BRINP2: variants seen among roughly 807,000 people sequenced by gnomAD.
The protein encoded by BRINP2 is BMP/retinoic acid inducible neural specific 2.
BRINP2 carries 21 observed loss-of-function variants against 69.2 expected under a neutral mutation model. The observed-to-expected ratio is 0.30, with a 90% CI of 0.22 to 0.44. The LOEUF (loss-of-function observed/expected upper bound fraction) is 0.44, where lower values mean the gene tolerates loss of function less well. BRINP2 is among the 20% of genes least tolerant of loss of function. The pLI is 1.00. For missense variants in BRINP2, 877 were observed against 986.0 expected (o/e 0.89, Z 1.48); for synonymous variants, 380 against 394.1 (o/e 0.96, Z 0.42).
chr1:177,214,004 T>C (rs1016102668), intron 1 of BRINP2, among the ~76,000 whole-genome samples: 4 of 152,196 alleles, frequency 2.6e-5, no homozygotes, highest in African/African-American at 4.8e-5. Context: ...CAAAATTAAG[T>C]CAGGTTTCTT....
At chr1:177,178,128 C>G (rs988045870) in intron 1 of BRINP2, among the ~76,000 whole-genome samples, 1 of 152,200 alleles carries the variant, frequency 6.6e-6, no homozygotes, top group Non-Finnish European at 1.5e-5. Context: ...CCTCACCCCT[C>G]GTGCTACTGT....
At chr1:177,228,853 TCA>T (rs1649779737) in intron 1 of BRINP2, among the ~76,000 whole-genome samples, 4 of 152,022 alleles carry the variant, frequency 2.6e-5, no homozygotes, top group Admixed American at 2.0e-4. Flanking sequence ...CTGTGGTGAG[TCA>T]CAAAGCAGCC....
intron 1 of BRINP2, among the ~76,000 whole-genome samples, chr1:177,225,196 C>A (rs1405867471): frequency 6.6e-6 from 1 of 152,216 alleles, no homozygotes; most frequent in Non-Finnish European, 1.5e-5. Context: ...CATGTGACTT[C>A]ATCTATATAT....
At chr1:177,240,601 A>C (rs1650169015) in intron 2 of BRINP2, among the ~76,000 whole-genome samples, 2 of 152,238 alleles carry the variant, frequency 1.3e-5, no homozygotes. Context: ...CTCAGGAACA[A>C]GTGAGACTCC....
intron 2 of BRINP2, among the ~76,000 whole-genome samples, chr1:177,235,445 A>G (rs1350408867): frequency 6.6e-6 from 1 of 152,188 alleles, no homozygotes; most frequent in African/African-American, 2.4e-5. Context: ...GTGCCAAGAC[A>G]TATGAACTCA....
intron 2 of BRINP2, among the ~76,000 whole-genome samples, chr1:177,254,785 C>G (rs546731770): frequency 6.6e-6 from 1 of 152,006 alleles, no homozygotes; most frequent in Non-Finnish European, 1.5e-5. Context: ...AATGAAAATT[C>G]AAAGTTTAGA....
At chr1:177,261,866 A>G (rs900679507) in intron 4 of BRINP2, among the ~76,000 whole-genome samples, 8 of 152,190 alleles carry the variant, frequency 5.3e-5, no homozygotes, top group Non-Finnish European at 8.8e-5. Flanking sequence ...AAGAGAACCA[A>G]AGCGGGCTCA....
At chr1:177,229,246 A>G (rs1039917153) in intron 1 of BRINP2, among the ~76,000 whole-genome samples, 1 of 152,204 alleles carries the variant, frequency 6.6e-6, no homozygotes, top group African/African-American at 2.4e-5. Context: ...CAGAGAAGGA[A>G]GTGATTGCCC....
chr1:177,192,797 G>T (rs541030501), intron 1 of BRINP2, among the ~76,000 whole-genome samples: 1 of 152,294 alleles, frequency 6.6e-6, no homozygotes, highest in South Asian at 2.1e-4. Context: ...AATAGATCAG[G>T]TTTTATCCTG....
Position 177,281,393 on chromosome 1 carries a change from C to A in BRINP2, c.2217C>A (p.Asp739Glu), listed in dbSNP as rs912334622. 1.2e-6 allele frequency: 2 copies of A among 1,614,152 alleles called. No homozygotes were observed. The highest frequency in any genetic ancestry group is 8.5e-7 in the Non-Finnish European group (1 of 1,180,044). ...CTCCACCTGGCAAAGTCCGACTTGACCTTTTCTCCTGCTTGCTCCGGCATC... is the reference window on the plus strand; with the variant it reads ...CTCCACCTGGCAAAGTCCGACTTGAACTTTTCTCCTGCTTGCTCCGGCATC... ...QLSPPGKVRL[D>E]LFSCLLRHRL... Residue 739 changes from aspartate to glutamate, a missense_variant, in exon 8 of 8, where the codon GAC (aspartate) becomes GAA (glutamate). Asp to Glu is a conservative substitution (Grantham distance 45). This residue lies in a region of BRINP2 where 225 missense variants were observed against 218.7 expected (regional missense o/e 1.03). Coordinates refer to ENST00000361539, the MANE Select transcript of BRINP2 (RefSeq NM_021165.4).
intron 1 of BRINP2, among the ~76,000 whole-genome samples, chr1:177,196,509 T>G (rs897449553): frequency 1.3e-5 from 2 of 152,128 alleles, no homozygotes; most frequent in Middle Eastern, 3.4e-3. Context: ...TCCCAGCTAC[T>G]TGGGAGGCTG....
intron 1 of BRINP2, among the ~76,000 whole-genome samples, chr1:177,207,519 G>A (rs752043848): frequency 1.8e-4 from 27 of 152,156 alleles, no homozygotes; most frequent in Non-Finnish European, 2.5e-4. Flanking sequence ...GAGGAGTGGG[G>A]TGCAACCAAG....
At chr1:177,183,986 G>A (rs1413430479) in intron 1 of BRINP2, among the ~76,000 whole-genome samples, 1 of 152,186 alleles carries the variant, frequency 6.6e-6, no homozygotes, top group Non-Finnish European at 1.5e-5. Context: ...TAAAGAGAGA[G>A]ATAAGTGCTC....
At chr1:177,240,122 A>C (rs1358993397) in intron 2 of BRINP2, among the ~76,000 whole-genome samples, 1 of 152,060 alleles carries the variant, frequency 6.6e-6, no homozygotes, top group Non-Finnish European at 1.5e-5. Flanking sequence ...GAGAATTCTC[A>C]TTTTCTCTGT....
chr1:177,175,198 A>G (rs1337491626), intron 1 of BRINP2, among the ~76,000 whole-genome samples: 3 of 152,134 alleles, frequency 2.0e-5, no homozygotes, highest in Admixed American at 6.5e-5. Context: ...GAGCATGCCC[A>G]TGTACATAAC....
chr1:177,276,176 C>T (rs762292717), intron 5 of BRINP2, 22 bp from the exon 6 acceptor site: 2 of 1,601,166 alleles, frequency 1.2e-6, no homozygotes, highest in Non-Finnish European at 1.7e-6. Flanking sequence ...CCCAGAGATT[C>T]CTTGACACAT....
rs1571949512 is a variant in BRINP2 at position 177,276,218 on chromosome 1, G to C, written c.796G>C (p.Glu266Gln). 6.2e-7 allele frequency: 1 copy of C among 1,613,000 alleles called. No individual in the cohort carries two copies. The highest frequency in any genetic ancestry group is 2.2e-5 in the East Asian group (1 of 44,858). Residue 266 changes from glutamate to glutamine, a missense_variant, in exon 6 of 8, where the codon GAG becomes CAG. Around this residue, in one of 3 missense-constraint regions of BRINP2, gnomAD observed 566 missense variants for 625.2 expected, o/e 0.91. Coordinates refer to ENST00000361539, the MANE Select transcript of BRINP2 (RefSeq NM_021165.4). Reference protein sequence around the residue: ...QLLGLQVLLPEYLRERFVAAA... With the variant: ...QLLGLQVLLPQYLRERFVAAA... ...CCCAGGCCTTCAGGTGCTGCTGCCT[G>C]AGTATCTGCGTGAGCGCTTTGTAGC...
chr1:177,257,655 G>A (rs896278988), intron 4 of BRINP2, among the ~76,000 whole-genome samples: 2 of 152,182 alleles, frequency 1.3e-5, no homozygotes, highest in Non-Finnish European at 2.9e-5. Context: ...TTGCACTCTG[G>A]TGGAGGATGG....
intron 3 of BRINP2, 89 bp downstream of exon 3, chr1:177,256,198 T>A: frequency 6.8e-7 from 1 of 1,480,056 alleles, no homozygotes; most frequent in Non-Finnish European, 9.1e-7. Flanking sequence ...AACAGTCTTA[T>A]CTTCTTCCGG....
Sources: allele counts gnomAD v4.1 joint callset (sites outside exome capture counted in the v4.1 genomes callset), GRCh38; gene constraint gnomAD v4.1.1; regional missense constraint gnomAD v4.1.1; transcripts MANE v1.5; gene names NCBI Gene and HGNC (gene_info 2026-07-23, HGNC 2026-07-21).